PTPDC1: variants seen among roughly 807,000 people sequenced by gnomAD.
The protein encoded by PTPDC1 is protein tyrosine phosphatase domain containing 1.
In PTPDC1, 53 loss-of-function variants were observed where a neutral mutation model predicts 75.3. The ratio of observed to expected loss-of-function variants is 0.70; its 90% CI spans 0.56 to 0.88. PTPDC1 has a LOEUF of 0.88. Ranked by LOEUF, PTPDC1 falls within the 40% of genes least tolerant of loss-of-function variation. The pLI is 0.00. For missense variants in PTPDC1, 925 were observed against 998.6 expected, an observed-to-expected ratio of 0.93 and a Z score of 0.99; for synonymous variants, 349 against 366.2, an observed-to-expected ratio of 0.95 and a Z score of 0.54.
Position 94,098,431 on chromosome 9 carries a change from G to C in PTPDC1, c.1865G>C (p.Ser622Thr), listed in dbSNP as rs1827700913. Residue 622 changes from serine to threonine, a missense_variant, in exon 6 of 9, where the codon AGT becomes ACT. Coordinates refer to ENST00000620992, the MANE Select transcript of PTPDC1 (RefSeq NM_001253829.2). ...TTGGTTGAACATGAAACCCAGGACA[G>C]TAAAGATCTGTCTGAAGCAGCTTCA... ...QFLVEHETQD[S>T]KDLSEAASHS... is the part of the protein sequence containing the mutation. 2 of 1,614,102 alleles carry C rather than the reference G, an allele frequency of 1.2e-6. No individual in the cohort carries two copies. The highest frequency in any genetic ancestry group is 1.1e-5 in the South Asian group (1 of 91,086).
At chr9:94,084,813 A>G (rs753538361) in intron 1 of PTPDC1, 39 bp downstream of exon 1, 1 of 1,360,608 alleles carries the variant, frequency 7.3e-7, no homozygotes, top group Admixed American at 2.3e-5. Context: ...CTATGTATAT[A>G]AGTTTGAGGA....
chr9:94,106,892 T>C (rs1828040540), intron 8 of PTPDC1, among the ~76,000 whole-genome samples: 1 of 152,130 alleles, frequency 6.6e-6, no homozygotes, highest in Non-Finnish European at 1.5e-5. Context: ...GTGTAAATAG[T>C]GCGCTCCCAT....
intron 1 of PTPDC1, among the ~76,000 whole-genome samples, chr9:94,041,388 A>G (rs1302745891): frequency 6.6e-6 from 1 of 152,202 alleles, no homozygotes; most frequent in Non-Finnish European, 1.5e-5. Flanking sequence ...GCAGATTTTT[A>G]AAGTGTGAAT....
chr9:94,034,916 A>G (rs897248219), intron 1 of PTPDC1, among the ~76,000 whole-genome samples: 2 of 152,192 alleles, frequency 1.3e-5, no homozygotes, highest in Non-Finnish European at 2.9e-5. Context: ...AGTCAAGCTA[A>G]TTAATATATT....
chr9:94,033,036 A>AT (rs1829757253), intron 1 of PTPDC1, among the ~76,000 whole-genome samples: 1 of 151,618 alleles, frequency 6.6e-6, no homozygotes, highest in Non-Finnish European at 1.5e-5. Context: ...TACTTTTTGT[A>AT]TTTTTTATGG....
chr9:94,106,778 A>G (rs1481667357), intron 8 of PTPDC1, among the ~76,000 whole-genome samples: 1 of 152,192 alleles, frequency 6.6e-6, no homozygotes, highest in Non-Finnish European at 1.5e-5. Flanking sequence ...GGAGTTACAC[A>G]TTACTCTGGG....
In PTPDC1 at chr9:94,107,837, G is replaced by A; in HGVS notation, c.2320G>A (p.Asp774Asn). 6.3e-7 allele frequency: 1 copy of A among 1,588,212 alleles called. No individual in the cohort carries two copies. Among genetic ancestry groups the A allele is most frequent in the Non-Finnish European group, 8.6e-7 (1 of 1,167,044 alleles). Residue 774 changes from aspartate to asparagine, a missense_variant, in exon 9 of 9, where the codon GAT becomes AAT. Physicochemically the swap from Asp to Asn is conservative, Grantham distance 23. Coordinates refer to ENST00000620992, the MANE Select transcript of PTPDC1 (RefSeq NM_001253829.2). ...ATTTCTTTGTCACCAGGTTAATTTT[G>A]ATTCTGAAAATGGACCAACAGTTTA... ...AIKAFTKVNF[D>N]SENGPTVYNT...
At chr9:94,050,217 CAA>C (rs1825743730) in intron 1 of PTPDC1, among the ~76,000 whole-genome samples, 1 of 152,200 alleles carries the variant, frequency 6.6e-6, no homozygotes, top group Non-Finnish European at 1.5e-5. Flanking sequence ...CTCAGCTCAT[CAA>C]AGTCATTCTC....
In PTPDC1 at chr9:94,042,244, GT is replaced by G. The variant is rs150627668; in HGVS notation, c.-7+11123del. ...CTACAGAACGGTACTTATGTACAGG[GT>G]TTTTTGTTGTTGTTGCTTTCTTTTA... On this transcript the variant is annotated intron_variant, in intron 1 of 9. Transcript: ENST00000375360. Among the ~76,000 whole-genome samples the G allele has an allele frequency of 8.3e-3, 1,263 of 152,270 alleles. 14 individuals carry two copies. The highest frequency in any genetic ancestry group is 0.029 in the African/African-American group (1,199 of 41,550).
chr9:94,076,282 G>A (rs1826685865), intron 2 of PTPDC1, among the ~76,000 whole-genome samples: 1 of 152,204 alleles, frequency 6.6e-6, no homozygotes, highest in Non-Finnish European at 1.5e-5. Flanking sequence ...GGGATTACAG[G>A]CGTGACCCAC....
At chr9:94,040,556 G>A (rs1380480251) in intron 1 of PTPDC1, among the ~76,000 whole-genome samples, 1 of 151,886 alleles carries the variant, frequency 6.6e-6, no homozygotes, top group African/African-American at 2.4e-5. Flanking sequence ...TTTAAAGTTT[G>A]TTTTAGTCAT....
intron 2 of PTPDC1, among the ~76,000 whole-genome samples, chr9:94,067,476 A>G (rs1826351133): frequency 6.6e-6 from 1 of 152,136 alleles, no homozygotes. Context: ...GATATCATCA[A>G]ATATCTAAAC....
At position 94,084,496 on chromosome 9, in the gene PTPDC1, ACT is replaced by A. The variant is rs1398409962; in HGVS notation, c.-32_-31del. On this transcript the variant is annotated 5_prime_UTR_variant, in exon 1 of 9. Coordinates refer to ENST00000620992, the MANE Select transcript of PTPDC1 (RefSeq NM_001253829.2). ...GTTCCTCACTGAGTGAGTGGGGCTG[ACT>A]CTTCCTGCCTCCGGCTCTTGCCTCC... 4 of 1,603,650 alleles carry A rather than the reference ACT, an allele frequency of 2.5e-6. No homozygotes were observed. The highest frequency in any genetic ancestry group is 3.4e-6 in the Non-Finnish European group (4 of 1,179,546).
intron 7 of PTPDC1, 21 bp from the exon 8 acceptor site, chr9:94,104,254 T>G (rs1376585823): frequency 1.3e-6 from 2 of 1,580,430 alleles, no homozygotes; most frequent in Non-Finnish European, 1.7e-6. Flanking sequence ...ATTTTTTAAA[T>G]TTTGATTTCT....
At chr9:94,097,006 A>G (rs558684902) in intron 5 of PTPDC1, among the ~76,000 whole-genome samples, 35 of 152,322 alleles carry the variant, frequency 2.3e-4, no homozygotes, top group African/African-American at 8.4e-4. Flanking sequence ...CCAGATGATC[A>G]GTTTCCCTTC....
intron 6 of PTPDC1, 141 bp downstream of exon 6, chr9:94,098,720 G>C: frequency 1.3e-6 from 1 of 742,628 alleles, no homozygotes; most frequent in Middle Eastern, 2.4e-4. Flanking sequence ...CAGGTTTCTC[G>C]TCTCTGATGC....
intron 4 of PTPDC1, among the ~76,000 whole-genome samples, chr9:94,091,371 AT>A (rs1367251810): frequency 6.6e-6 from 1 of 152,074 alleles, no homozygotes; most frequent in Non-Finnish European, 1.5e-5. Flanking sequence ...CTCTGTTTAT[AT>A]GCTGGATTAC....
At chr9:94,100,906 C>G (rs989915813) in intron 6 of PTPDC1, 5 of 152,194 alleles carry the variant, frequency 3.3e-5, no homozygotes, top group Non-Finnish European at 5.9e-5. Flanking sequence ...TAAATTTTCT[C>G]TAGGCATTTG....
intron 1 of PTPDC1, among the ~76,000 whole-genome samples, chr9:94,049,975 C>T (rs1587847038): frequency 6.6e-6 from 1 of 152,200 alleles, no homozygotes; most frequent in Non-Finnish European, 1.5e-5. Flanking sequence ...GATCTTCCAT[C>T]ACTGATACCC....
Sources: allele counts gnomAD v4.1 joint callset (sites outside exome capture counted in the v4.1 genomes callset), GRCh38; gene constraint gnomAD v4.1.1; transcripts MANE v1.5; gene names NCBI Gene and HGNC (gene_info 2026-07-23, HGNC 2026-07-21).